Variants in GIT2 observed in about 807,000 individuals in gnomAD.
GIT2 encodes the protein GIT ArfGAP 2.
Under a neutral mutation model 100.3 loss-of-function variants are expected in GIT2, and 32 were observed. That is an observed-to-expected ratio of 0.32 (90% CI 0.24 to 0.43). GIT2 has a LOEUF of 0.43. Among genes scored for constraint, GIT2 ranks in the 20% least tolerant of loss-of-function variants. The pLI is 1.00. For synonymous variants in GIT2, 353 were observed against 364.1 expected (o/e 0.97, Z 0.35); for missense variants, 737 against 975.1 (o/e 0.76, Z 3.25).
At chr12:109,950,952 T>C (rs1264986163) in intron 14 of GIT2, 1 of 574,074 alleles carries the variant, frequency 1.7e-6, no homozygotes, top group Non-Finnish European at 3.1e-6. Context: ...CTTAAATAGA[T>C]GTTAGGTTTC....
rs191657661 is a variant in GIT2, at chr12:109,931,713, A to G, written c.*1265T>C. ...CCAGGGTCTGAACCACACACACAGA[A>G]TGGCTGCAGTAAGCAGGAACGGGAA... On this transcript the variant is annotated 3_prime_UTR_variant, in exon 20 of 20. Coordinates refer to ENST00000355312, the MANE Select transcript of GIT2 (RefSeq NM_057169.5). 97 of 152,388 alleles carry G rather than the reference A, an allele frequency of 6.4e-4. No homozygotes were observed. The highest frequency in any genetic ancestry group is 2.2e-3 in the African/African-American group (93 of 41,570). The allele number at this position is 152,388 out of a possible 1,614,324, so 9.4% of individuals were successfully genotyped here.
chr12:109,941,831 CTT>C (rs775499234), intron 16 of GIT2, among the ~76,000 whole-genome samples: 4 of 143,634 alleles, frequency 2.8e-5, no homozygotes. Context: ...AATTTTTTTT[CTT>C]TTTTTTTTTT....
chr12:109,968,636 T>C (rs1430661531), intron 7 of GIT2, among the ~76,000 whole-genome samples: 2 of 152,208 alleles, frequency 1.3e-5, no homozygotes, highest in African/African-American at 2.4e-5. Flanking sequence ...TTGGTCAGGC[T>C]GGTCTTGAAC....
rs149051279 is a variant in GIT2, at chr12:109,987,914, A to G, written c.405+1049T>C. On this transcript the variant is annotated intron_variant, in intron 4 of 19. Coordinates refer to ENST00000355312, the MANE Select transcript of GIT2 (RefSeq NM_057169.5). Reference sequence around the variant, plus strand: ...AGGCCCACATAAAGAAAACCACCTCACTCGTTTTACAAGTATCATAAACCA... The same window carrying G: ...AGGCCCACATAAAGAAAACCACCTCGCTCGTTTTACAAGTATCATAAACCA... Among the ~76,000 whole-genome samples, 61 of 152,122 alleles carry G rather than the reference A, an allele frequency of 4.0e-4. No individual in the cohort carries two copies. The East Asian group carries it at 0.012, about 29-fold the overall frequency.
intron 12 of GIT2, among the ~76,000 whole-genome samples, 174 bp downstream of exon 12, chr12:109,959,673 A>T (rs1323603288): frequency 6.6e-6 from 1 of 152,154 alleles, no homozygotes; most frequent in Non-Finnish European, 1.5e-5. Context: ...CCTACGTAAC[A>T]AGCCTGCACA....
At chr12:109,989,849 T>A in intron 2 of GIT2, 47 bp from the exon 3 acceptor site, 1 of 953,364 alleles carries the variant, frequency 1.0e-6, no homozygotes, top group Non-Finnish European at 1.7e-6. Context: ...TTTTCACAAA[T>A]ATTCAATGGG....
At chr12:109,937,037 GGGA>G (rs1873238475) in intron 18 of GIT2, among the ~76,000 whole-genome samples, 1 of 152,188 alleles carries the variant, frequency 6.6e-6, no homozygotes, top group African/African-American at 2.4e-5. Flanking sequence ...TGGGAAAGGA[GGGA>G]GGAGGAAGCC....
chr12:109,953,198 T>C lies in GIT2; in HGVS notation c.1136A>G (p.Gln379Arg), dbSNP rs1878418411. 3.7e-6 allele frequency: 6 copies of C among 1,614,008 alleles called. No homozygotes were observed. The East Asian group carries it at 1.3e-4, about 36-fold the overall frequency. Residue 379 changes from glutamine (Q) to arginine (R), a missense_variant, in exon 13 of 20, where the codon CAG (glutamine) becomes CGG (arginine). Physicochemically the swap from Gln to Arg is conservative, Grantham distance 43. This residue lies in a region of GIT2 where 451 missense variants were observed against 543.7 expected (regional missense o/e 0.83). Transcript: ENST00000355312. The part of the protein sequence containing the change: ...VELILKTINN[Q>R]HSVESQDNDQ... Reference sequence around the variant, plus strand: ...GTTGTCTTGACTCTCAACGCTGTGCTGGTTATTGATGGTTTTCAGTATGAG... The same window carrying C: ...GTTGTCTTGACTCTCAACGCTGTGCCGGTTATTGATGGTTTTCAGTATGAG...
chr12:109,942,757 T>A (rs1342399884), intron 16 of GIT2: 2 of 152,268 alleles, frequency 1.3e-5, no homozygotes, highest in Non-Finnish European at 1.5e-5. Context: ...GTGACTCATA[T>A]ACCTAATAAA....
At chr12:109,961,765 C>T (rs1255782761) in intron 9 of GIT2, 80 bp from the exon 10 acceptor site, 4 of 814,624 alleles carry the variant, frequency 4.9e-6, no homozygotes, top group African/African-American at 1.7e-5. Flanking sequence ...CTTAGTCACC[C>T]TTTTATTGCC....
At chr12:109,938,347 C>T in intron 18 of GIT2, 33 bp downstream of exon 18, 10 of 1,530,070 alleles carry the variant, frequency 6.5e-6, no homozygotes, top group Non-Finnish European at 9.0e-6. Flanking sequence ...ATAACTCATG[C>T]TCTCCCAAAG....
intron 7 of GIT2, among the ~76,000 whole-genome samples, chr12:109,973,540 A>C (rs2136612506): frequency 6.6e-6 from 1 of 152,200 alleles, no homozygotes; most frequent in South Asian, 2.1e-4. Context: ...CCAGACATTT[A>C]TGAGTTTTAC....
At chr12:109,961,455 C>T (rs1022570142) in intron 10 of GIT2, 80 bp from the exon 11 acceptor site, 24 of 986,622 alleles carry the variant, frequency 2.4e-5, no homozygotes, top group Admixed American at 3.5e-5. Flanking sequence ...TCACGCACTA[C>T]GAGGGGAAAC....
intron 13 of GIT2, among the ~76,000 whole-genome samples, chr12:109,952,152 C>T (rs538030254): frequency 6.6e-6 from 1 of 152,284 alleles, no homozygotes; most frequent in African/African-American, 2.4e-5. Context: ...GAACTCCAAA[C>T]AAATCTTCTA....
At chr12:109,973,598 G>T (rs983523899) in intron 7 of GIT2, among the ~76,000 whole-genome samples, 1 of 151,722 alleles carries the variant, frequency 6.6e-6, no homozygotes, top group Non-Finnish European at 1.5e-5. Context: ...TTTCGCTACT[G>T]TTTCCTTCTT....
rs1308493616 is a variant in GIT2 at position 109,931,310 on chromosome 12, T to C, written c.*1668A>G. 1 of 152,258 alleles carries C rather than the reference T, an allele frequency of 6.6e-6. No homozygotes were observed. The highest frequency in any genetic ancestry group is 2.1e-4 in the South Asian group (1 of 4,828). 9.4% of individuals were successfully genotyped at this position (152,258 alleles called of 1,614,324 possible). On this transcript the variant is annotated 3_prime_UTR_variant, in exon 20 of 20. Transcript: ENST00000355312. ...TAACACACAGGGTTGGCCGGCTCCA[T>C]TACGGGTAAGACTCAGAGGCTGCTC...
intron 9 of GIT2, among the ~76,000 whole-genome samples, chr12:109,964,097 G>A (rs1209021263): frequency 1.3e-5 from 2 of 152,120 alleles, no homozygotes; most frequent in Non-Finnish European, 2.9e-5. Context: ...CTAAGAAAAC[G>A]TGGGTTTTTA....
At position 109,952,428 on chromosome 12, in the gene GIT2, C is replaced by T; in HGVS notation, c.1242+664G>A. 2 of 507,722 alleles carry T rather than the reference C, an allele frequency of 3.9e-6. 1 individual carries two copies. The highest frequency in any genetic ancestry group is 2.9e-5 in the South Asian group (2 of 69,716). 31.5% of individuals were successfully genotyped at this position (507,722 alleles called of 1,614,324 possible). ...ATGGATCTCTCCCTCCACTCTCTAA[C>T]CCACCAGAAGAGTCCTCCCCAGACA... On this transcript the variant is annotated intron_variant, in intron 13 of 19. Transcript: ENST00000355312.
chr12:109,973,080 G>C (rs758800899), intron 7 of GIT2, among the ~76,000 whole-genome samples: 2 of 151,664 alleles, frequency 1.3e-5, no homozygotes, highest in Non-Finnish European at 2.9e-5. Flanking sequence ...CTCCTACTTC[G>C]GCCTTTCAAA....
Sources: gnomAD v4.1 joint callset for allele counts (sites outside exome capture counted in the v4.1 genomes callset) on GRCh38, gnomAD v4.1.1 for gene constraint, gnomAD v4.1.1 regional missense constraint, MANE v1.5 for transcripts, NCBI Gene and HGNC (gene_info 2026-07-23, HGNC 2026-07-21) for gene names.